Variants in PAN3 observed in about 807,000 individuals in gnomAD.
PAN3 encodes PAN2-PAN3 deadenylation complex subunit PAN3.
Under a neutral mutation model 96.2 loss-of-function variants are expected in PAN3, and 19 were observed. The ratio of observed to expected loss-of-function variants is 0.20; its 90% CI spans 0.14 to 0.29. PAN3 has a LOEUF of 0.29. PAN3 is among the 10% of genes least tolerant of loss of function. PAN3 has a pLI of 1.00. For synonymous variants in PAN3, 433 were observed against 406.6 expected (o/e 1.06, Z -0.78); for missense variants, 882 against 1,108.1 (o/e 0.80, Z 2.90).
chr13:28,280,940 AAT>A (rs1887425828), intron 16 of PAN3, among the ~76,000 whole-genome samples: 1 of 152,200 alleles, frequency 6.6e-6, no homozygotes, highest in African/African-American at 2.4e-5. Flanking sequence ...CATTGTACTA[AAT>A]ATAATGCCTT....
rs776134714 is a variant in PAN3, at chr13:28,177,902, C to G, written c.657C>G (p.Asp219Glu). 5.0e-6 allele frequency: 8 copies of G among 1,612,766 alleles called. No individual in the cohort carries two copies. The highest frequency in any genetic ancestry group is 6.8e-6 in the Non-Finnish European group (8 of 1,179,172). Residue 219 changes from aspartate to glutamate, a missense_variant, in exon 4 of 19, where the codon GAC (aspartate) becomes GAG (glutamate). Asp to Glu is a conservative substitution (Grantham distance 45, BLOSUM62 2). This residue lies in a region of PAN3 where 442 missense variants were observed against 422.8 expected (regional missense o/e 1.05). Transcript: ENST00000380958. The part of the protein sequence containing the change: ...LTSPASSLFN[D>E]FGALNISQRR... ...CACCTGCTTCATCCTTGTTTAATGA[C>G]TTTGGTGCCCTCAACATCTCTCAGA...
chr13:28,282,394 A>G (rs2138726973), intron 17 of PAN3, among the ~76,000 whole-genome samples: 1 of 152,184 alleles, frequency 6.6e-6, no homozygotes, highest in African/African-American at 2.4e-5. Context: ...CAAAGTCGAA[A>G]GACTCATTTA....
intron 1 of PAN3, among the ~76,000 whole-genome samples, chr13:28,167,008 T>G (rs1873630539): frequency 6.6e-6 from 1 of 152,146 alleles, no homozygotes; most frequent in Non-Finnish European, 1.5e-5. Flanking sequence ...ATTCTTCCAT[T>G]GTCTTGATGA....
At chr13:28,283,436 A>G (rs1253972138) in intron 17 of PAN3, among the ~76,000 whole-genome samples, 2 of 152,260 alleles carry the variant, frequency 1.3e-5, no homozygotes, top group East Asian at 3.9e-4. Flanking sequence ...GAAAACTGTA[A>G]AAGTCTCTCT....
chr13:28,248,938 A>T (rs1884459006), intron 6 of PAN3, among the ~76,000 whole-genome samples: 1 of 151,970 alleles, frequency 6.6e-6, no homozygotes, highest in Non-Finnish European at 1.5e-5. Flanking sequence ...ATTGGCAAAT[A>T]TTTTTTTCAA....
intron 9 of PAN3, among the ~76,000 whole-genome samples, chr13:28,262,479 T>TA (rs1364204197): frequency 3.3e-5 from 5 of 152,228 alleles, no homozygotes; most frequent in South Asian, 2.1e-4. Flanking sequence ...GTCTGGCTGT[T>TA]ACACCTTAAG....
chr13:28,267,474 A>C lies in PAN3; in HGVS notation c.1792+73A>C, dbSNP rs535462329. 7 of 1,211,586 alleles carry C rather than the reference A, an allele frequency of 5.8e-6. No homozygotes were observed. The African/African-American group carries it at 9.2e-5, about 16-fold the overall frequency. 75.1% of individuals were successfully genotyped at this position (1,211,586 alleles called of 1,614,324 possible). On this transcript the variant is annotated intron_variant, in intron 12 of 18. Coordinates refer to ENST00000380958, the MANE Select transcript of PAN3 (RefSeq NM_175854.8). ...CTGTGGAAGAGTAGTTTTCTATTTT[A>C]AAATACGTATAATTTTTCCCTGTAA...
At chr13:28,153,058 G>A (rs1425874775) in intron 1 of PAN3, among the ~76,000 whole-genome samples, 4 of 152,158 alleles carry the variant, frequency 2.6e-5, no homozygotes, top group African/African-American at 4.8e-5. Flanking sequence ...GTTATTCAAC[G>A]CAGCTGATCT....
At chr13:28,170,432 TAAGAC>T (rs970038758) in intron 1 of PAN3, among the ~76,000 whole-genome samples, 3 of 152,212 alleles carry the variant, frequency 2.0e-5, no homozygotes, top group African/African-American at 4.8e-5. Context: ...AAAATTCTAT[TAAGAC>T]AAGACATTGA....
chr13:28,246,701 T>C (rs887371615), intron 6 of PAN3, among the ~76,000 whole-genome samples: 1 of 152,176 alleles, frequency 6.6e-6, no homozygotes, highest in South Asian at 2.1e-4. Context: ...CCTGGCCTTA[T>C]TTCACTTAAC....
chr13:28,268,313 A>G (rs1033240082), intron 12 of PAN3, among the ~76,000 whole-genome samples: 2 of 152,102 alleles, frequency 1.3e-5, no homozygotes, highest in Admixed American at 6.6e-5. Context: ...TAATTTAATG[A>G]TTCCTATTAT....
intron 5 of PAN3, 112 bp downstream of exon 5, chr13:28,197,458 G>A (rs1878195531): frequency 2.9e-6 from 3 of 1,037,714 alleles, no homozygotes; most frequent in Non-Finnish European, 4.0e-6. Context: ...GGTATACTTA[G>A]GTAATTAAAA....
At chr13:28,180,569 A>G (rs564894466) in intron 4 of PAN3, among the ~76,000 whole-genome samples, 57 of 152,366 alleles carry the variant, frequency 3.7e-4, no homozygotes, top group African/African-American at 1.3e-3. Flanking sequence ...TCAAAATTAT[A>G]TGAATATTGT....
chr13:28,146,511 C>T (rs1870674244), intron 1 of PAN3, among the ~76,000 whole-genome samples: 1 of 152,026 alleles, frequency 6.6e-6, no homozygotes, highest in South Asian at 2.1e-4. Context: ...TGAGGGCTCT[C>T]TCCTGGCTAT....
chr13:28,151,705 G>A (rs1181849385), intron 1 of PAN3, among the ~76,000 whole-genome samples: 3 of 152,180 alleles, frequency 2.0e-5, no homozygotes, highest in Non-Finnish European at 2.9e-5. Flanking sequence ...GTAGGGCATT[G>A]GAGAGAGGAG....
At chr13:28,210,820 T>G (rs1360584239) in intron 5 of PAN3, among the ~76,000 whole-genome samples, 1 of 152,210 alleles carries the variant, frequency 6.6e-6, no homozygotes, top group Non-Finnish European at 1.5e-5. Flanking sequence ...CATCTCCCTC[T>G]GTTCCTCTTT....
chr13:28,239,162 AACACACACAC>A (rs71086840), intron 6 of PAN3, among the ~76,000 whole-genome samples: 13 of 76,820 alleles, frequency 1.7e-4, no homozygotes, highest in African/African-American at 4.6e-4. Flanking sequence ...CACCCCCGCC[AACACACACAC>A]ACACACACAC....
intron 6 of PAN3, among the ~76,000 whole-genome samples, chr13:28,236,028 G>T (rs971037109): frequency 6.6e-6 from 1 of 151,890 alleles, no homozygotes; most frequent in African/African-American, 2.4e-5. Flanking sequence ...CCCGTGCATG[G>T]CCTTCATGTT....
At chr13:28,169,718 G>A (rs977422952) in intron 1 of PAN3, among the ~76,000 whole-genome samples, 4 of 151,902 alleles carry the variant, frequency 2.6e-5, no homozygotes, top group South Asian at 2.1e-4. Flanking sequence ...AAAGTCAAAC[G>A]TAAGTATATG....
Sources: gnomAD v4.1 joint callset for allele counts (sites outside exome capture counted in the v4.1 genomes callset) on GRCh38, gnomAD v4.1.1 for gene constraint, gnomAD v4.1.1 regional missense constraint, MANE v1.5 for transcripts, NCBI Gene and HGNC (gene_info 2026-07-23, HGNC 2026-07-21) for gene names.